Variants in PTHLH observed in about 807,000 individuals in gnomAD.
The protein encoded by PTHLH is parathyroid hormone like hormone.
A neutral mutation model predicts 18.6 loss-of-function variants in PTHLH; 5 were observed. The ratio of observed to expected loss-of-function variants is 0.27; its 90% CI spans 0.14 to 0.56. The LOEUF (loss-of-function observed/expected upper bound fraction) is 0.56. PTHLH is among the 20% of genes least tolerant of loss of function. The pLI, the probability that PTHLH is intolerant of heterozygous loss-of-function variation, is 0.92. For missense variants in PTHLH, 207 were observed against 223.9 expected (o/e 0.92, Z 0.48); for synonymous variants, 90 against 94.0 (o/e 0.96, Z 0.25).
At position 27,970,269 on chromosome 12, in the gene PTHLH, T is replaced by A; in HGVS notation, c.-265-2A>T. 1 of 405,182 alleles carries A rather than the reference T, an allele frequency of 2.5e-6. No individual in the cohort carries two copies. The highest frequency in any genetic ancestry group is 2.9e-5 in the Admixed American group (1 of 34,372). The allele number at this position is 405,182 out of a possible 1,614,324, so 25.1% of individuals were successfully genotyped here. ...ATGTTCACACGCTCCGAGGCAAACC[T>A]GCCGGAGAAGTGAGCTAGTCGCAAA... On this transcript the variant is annotated splice_acceptor_variant, in intron 2 of 5. Transcript: ENST00000545234. LOFTEE classifies it low-confidence loss of function (5UTR_SPLICE).
Position 27,963,779 on chromosome 12 carries a change from G to T in PTHLH, c.102-9C>A. The stretch of plus-strand genomic sequence containing the variant: ...CAGACACAGCTCTTTTGCTTTGAAA[G>T]AAAATATTAGAGGGGAAGAAAACAG... On this transcript the variant is annotated splice_polypyrimidine_tract_variant and intron_variant, in intron 4 of 5. Transcript: ENST00000545234. 1 of 1,613,590 alleles carries T rather than the reference G, an allele frequency of 6.2e-7. No individual in the cohort carries two copies.
At chr12:27,961,873 G>C in intron 5 of PTHLH, 2 of 678,102 alleles carry the variant, frequency 2.9e-6, no homozygotes, top group South Asian at 3.4e-5. Context: ...CCTATCTGTA[G>C]CAGAGTCAAA....
intron 2 of PTHLH, among the ~76,000 whole-genome samples, chr12:27,970,506 G>C (rs2062861660): frequency 6.6e-6 from 1 of 151,650 alleles, no homozygotes; most frequent in African/African-American, 2.4e-5. Flanking sequence ...GAGCTCTGCC[G>C]AGCCCCACCC....
chr12:27,970,433 C>A (rs1043115971), intron 2 of PTHLH, 166 bp from the exon 3 acceptor site: 2 of 150,134 alleles, frequency 1.3e-5, no homozygotes, highest in Non-Finnish European at 3.0e-5. Flanking sequence ...GAGCCCCGAG[C>A]CGGGAATGAG....
At chr12:27,971,468 A>G (rs1461867314) in intron 2 of PTHLH, among the ~76,000 whole-genome samples, 1 of 152,062 alleles carries the variant, frequency 6.6e-6, no homozygotes, top group Non-Finnish European at 1.5e-5. Context: ...GGTAGGGTTC[A>G]TTAGTTTCTA....
intron 4 of PTHLH, among the ~76,000 whole-genome samples, chr12:27,967,755 A>G (rs1356155522): frequency 6.6e-6 from 1 of 152,178 alleles, no homozygotes; most frequent in African/African-American, 2.4e-5. Context: ...ACAATATTAT[A>G]TTTCACCCAC....
chr12:27,962,661 A>G, intron 5 of PTHLH: 1 of 985,130 alleles, frequency 1.0e-6, no homozygotes, highest in Non-Finnish European at 1.2e-6. Flanking sequence ...ACAAAAAGAT[A>G]CATGAGAAAA....
intron 5 of PTHLH, among the ~76,000 whole-genome samples, chr12:27,962,160 T>A (rs1429402770): frequency 6.6e-6 from 1 of 152,172 alleles, no homozygotes; most frequent in Non-Finnish European, 1.5e-5. Flanking sequence ...AGCCGTGGAA[T>A]GCCTTGGCTT....
rs1361458193 is a variant in PTHLH at position 27,963,355 on chromosome 12, C to T, written c.517G>A (p.Asp173Asn). 2 of 1,614,214 alleles carry T rather than the reference C, an allele frequency of 1.2e-6. No homozygotes were observed. The highest frequency in any genetic ancestry group is 1.7e-6 in the Non-Finnish European group (2 of 1,180,044). The stretch of plus-strand genomic sequence containing the variant: ...GCCAGAGAAGCCTGTTACCGTGAAT[C>T]GAGCTCCAGCGACGTTGTGGAGGTG... ...SDTSTTSLEL[D>N]SRRH Residue 173 changes from aspartate to asparagine, a missense_variant, in exon 5 of 6, where the codon GAT becomes AAT. Transcript: ENST00000545234.
At chr12:27,964,066 G>A (rs1321185101) in intron 4 of PTHLH, among the ~76,000 whole-genome samples, 1 of 152,152 alleles carries the variant, frequency 6.6e-6, no homozygotes, top group Non-Finnish European at 1.5e-5. Flanking sequence ...AGGGGTCAGA[G>A]ACAGTGATTT....
intron 5 of PTHLH, chr12:27,962,824 T>G: frequency 1.0e-6 from 1 of 969,932 alleles, no homozygotes; most frequent in Non-Finnish European, 1.2e-6. Context: ...AATTTGAGAT[T>G]TAATTAAATA....
chr12:27,963,425 G>C lies in PTHLH; in HGVS notation c.447C>G (p.Asp149Glu), dbSNP rs199690911. 1.2e-4 allele frequency: 192 copies of C among 1,614,174 alleles called. 1 individual carries two copies. In the East Asian group the frequency reaches 4.0e-3, roughly 34 times the overall value. The change falls in exon 5 of 6, where the codon GAC (aspartate) becomes GAG (glutamate). Residue 149 changes from aspartate to glutamate, a missense_variant. Coordinates refer to ENST00000545234, the MANE Select transcript of PTHLH (RefSeq NM_198965.2). The stretch of plus-strand genomic sequence containing the variant: ...CTAGCCCACTCCCAGTCACTCCAGA[G>C]TCTAACCAGGCAGAGCGAGTTCGCC... ...KKRRTRSAWLDSGVTGSGLEG... is the reference protein window; with the variant it reads ...KKRRTRSAWLESGVTGSGLEG...
intron 4 of PTHLH, among the ~76,000 whole-genome samples, chr12:27,964,291 C>CAT (rs2062792409): frequency 6.6e-6 from 1 of 151,474 alleles, no homozygotes; most frequent in South Asian, 2.1e-4. Context: ...CACACACACA[C>CAT]ACACACGCCC....
In PTHLH at chr12:27,970,202, G is replaced by T. The variant is rs1177020860; in HGVS notation, c.-200C>A. ...TCACGGGCGGGGAGACATGCTGGCC[G>T]GGCGGCGCAGGTTGGAGGCGAGTTG... is the stretch of plus-strand genomic sequence containing the variant. On this transcript the variant is annotated 5_prime_UTR_variant, in exon 3 of 6. Coordinates refer to ENST00000545234, the MANE Select transcript of PTHLH (RefSeq NM_198965.2). 2.0e-6 allele frequency: 1 copy of T among 506,992 alleles called. No individual in the cohort carries two copies. Among genetic ancestry groups the T allele is most frequent in the Non-Finnish European group, 3.9e-6 (1 of 254,478 alleles). 31.4% of individuals were successfully genotyped at this position (506,992 alleles called of 1,614,324 possible).
chr12:27,961,353 ATATCCC>A, intron 5 of PTHLH, among the ~76,000 whole-genome samples: 1 of 140,260 alleles, frequency 7.1e-6, no homozygotes. Context: ...TCATAGAAAC[ATATCCC>A]CCTAGATAGA....
At chr12:27,963,323 G>T in intron 5 of PTHLH, 25 bp downstream of exon 5, 1 of 1,614,186 alleles carries the variant, frequency 6.2e-7, no homozygotes, top group Non-Finnish European at 8.5e-7. Flanking sequence ...CCCCGCTGAG[G>T]CTACGGGCCA....
chr12:27,967,562 A>G (rs936246334), intron 4 of PTHLH, among the ~76,000 whole-genome samples: 2 of 152,264 alleles, frequency 1.3e-5, no homozygotes, highest in African/African-American at 4.8e-5. Flanking sequence ...CAGCAAGACA[A>G]AAATAATGAC....
chr12:27,961,957 T>C (rs1425336761), intron 5 of PTHLH: 1 of 722,882 alleles, frequency 1.4e-6, no homozygotes, highest in Admixed American at 2.0e-5. Context: ...GTTCTTCTGT[T>C]GTTTTCCTTT....
intron 4 of PTHLH, among the ~76,000 whole-genome samples, chr12:27,965,506 G>A (rs2062804889): frequency 6.6e-6 from 1 of 152,200 alleles, no homozygotes; most frequent in African/African-American, 2.4e-5. Flanking sequence ...ATGAGTCAAA[G>A]AAAAGAGTAA....
Sources: allele counts gnomAD v4.1 joint callset (sites outside exome capture counted in the v4.1 genomes callset), GRCh38; gene constraint gnomAD v4.1.1; transcripts MANE v1.5; gene names NCBI Gene and HGNC (gene_info 2026-07-23, HGNC 2026-07-21).